RMDN2: variants seen among roughly 807,000 people sequenced by gnomAD.
RMDN2 encodes regulator of microtubule dynamics 2.
Under a neutral mutation model 52.8 loss-of-function variants are expected in RMDN2, and 61 were observed. That is an observed-to-expected ratio of 1.16 (90% confidence interval 0.94 to 1.43). The LOEUF is 1.43. RMDN2 is among the 40% of genes most tolerant of loss of function. The pLI is 0.00. For synonymous variants in RMDN2, 180 were observed against 153.1 expected, an observed-to-expected ratio of 1.18 and a Z score of -1.30; for missense variants, 592 against 475.3, an observed-to-expected ratio of 1.25 and a Z score of -2.28.
chr2:38,055,171 C>T (rs1297165953), intron 10 of RMDN2, among the ~76,000 whole-genome samples: 2 of 151,924 alleles, frequency 1.3e-5, no homozygotes, highest in Non-Finnish European at 2.9e-5. Context: ...ATTTCATAGC[C>T]GTCCCCGCTT....
At chr2:37,994,342 A>C (rs949901509) in intron 7 of RMDN2, among the ~76,000 whole-genome samples, 3 of 152,232 alleles carry the variant, frequency 2.0e-5, no homozygotes, top group African/African-American at 7.2e-5. Context: ...TGTTACGGCC[A>C]TGTAACAGGA....
chr2:37,928,653 G>A (rs187995645), intron 1 of RMDN2: 17 of 152,288 alleles, frequency 1.1e-4, no homozygotes, highest in Admixed American at 9.2e-4. Context: ...TTATGACTAT[G>A]AATGAATGGT....
At chr2:38,061,552 C>T (rs1682050658) in intron 10 of RMDN2, among the ~76,000 whole-genome samples, 1 of 151,572 alleles carries the variant, frequency 6.6e-6, no homozygotes, top group Non-Finnish European at 1.5e-5. Context: ...GAAGCTTGTC[C>T]TTAATGCCCA....
At chr2:37,968,460 A>AAAT in intron 2 of RMDN2, among the ~76,000 whole-genome samples, 1 of 140,290 alleles carries the variant, frequency 7.1e-6, no homozygotes. Flanking sequence ...AAAAAAAAAA[A>AAAT]AGAAAGTCTG....
intron 2 of RMDN2, among the ~76,000 whole-genome samples, chr2:37,972,411 A>G (rs183224110): frequency 1.3e-4 from 20 of 152,302 alleles, no homozygotes; most frequent in African/African-American, 4.6e-4. Flanking sequence ...CATGACTGAT[A>G]TGTTCAAGGA....
chr2:37,983,364 A>G (rs984949116), intron 5 of RMDN2, among the ~76,000 whole-genome samples: 2 of 152,140 alleles, frequency 1.3e-5, no homozygotes, highest in African/African-American at 4.8e-5. Context: ...TCTTCCACTA[A>G]TCTGGTTACA....
intron 7 of RMDN2, 96 bp downstream of exon 7, chr2:37,991,393 C>T (rs1674772049): frequency 8.2e-6 from 4 of 486,610 alleles, no homozygotes; most frequent in African/African-American, 2.0e-5. Flanking sequence ...TACCCAGTGC[C>T]TACTTTAGGG....
intron 1 of RMDN2, 54 bp from the exon 2 acceptor site, chr2:37,929,208 G>A (rs1015372124): frequency 1.1e-5 from 12 of 1,070,838 alleles, no homozygotes; most frequent in Middle Eastern, 2.1e-4. Context: ...CTATATTTTT[G>A]TCTTGGACAA....
At chr2:37,987,075 A>C (rs1054147085) in intron 5 of RMDN2, among the ~76,000 whole-genome samples, 2 of 152,110 alleles carry the variant, frequency 1.3e-5, no homozygotes, top group African/African-American at 4.8e-5. Flanking sequence ...CTTTGTAAAA[A>C]ATCTAAAAAA....
At chr2:37,945,807 A>G (rs1047110197) in intron 2 of RMDN2, among the ~76,000 whole-genome samples, 3 of 152,156 alleles carry the variant, frequency 2.0e-5, no homozygotes, top group South Asian at 2.1e-4. Context: ...GGTCAGGGAC[A>G]GAGTCTATAC....
At chr2:37,969,368 G>A (rs1308950929) in intron 2 of RMDN2, among the ~76,000 whole-genome samples, 1 of 151,408 alleles carries the variant, frequency 6.6e-6, no homozygotes, top group Non-Finnish European at 1.5e-5. Flanking sequence ...ATTTACTTAG[G>A]TATTCTTTAA....
chr2:38,004,040 C>G lies in RMDN2; in HGVS notation c.1094C>G (p.Ala365Gly). The change falls in exon 9 of 11, where the codon GCA becomes GGA. Residue 365 changes from alanine (A) to glycine (G), a missense_variant. Physicochemically the swap from Ala to Gly is moderately conservative, Grantham distance 60. Coordinates refer to ENST00000354545, the MANE Select transcript of RMDN2 (RefSeq NM_001170791.3). The part of the protein sequence containing the change: ...GYSNPNYMYL[A>G]KCYTDLEENQ... ...TCTAATCCCAATTACATGTACTTAG[C>G]AAAGGTAATGAAGACCACTGTTCTG... is the stretch of plus-strand genomic sequence containing the variant. 1.2e-6 allele frequency: 2 copies of G among 1,612,568 alleles called. No individual in the cohort carries two copies. The highest frequency in any genetic ancestry group is 1.1e-5 in the South Asian group (1 of 91,036).
intron 10 of RMDN2, chr2:38,030,172 C>A (rs1201779929): frequency 6.6e-6 from 1 of 152,212 alleles, no homozygotes; most frequent in South Asian, 2.1e-4. Flanking sequence ...CAGCGCCAGC[C>A]TTAGACCAAA....
intron 2 of RMDN2, among the ~76,000 whole-genome samples, chr2:37,970,282 A>G (rs534206726): frequency 1.3e-5 from 2 of 151,996 alleles, no homozygotes; most frequent in African/African-American, 2.4e-5. Flanking sequence ...AATTTATTGG[A>G]AAAAAAAATT....
At chr2:37,964,121 G>A (rs997425505) in intron 2 of RMDN2, among the ~76,000 whole-genome samples, 4 of 151,144 alleles carry the variant, frequency 2.6e-5, no homozygotes, top group African/African-American at 9.7e-5. Context: ...AGATGGAGGG[G>A]CTCCTCACTT....
chr2:37,947,363 T>C (rs184863263), intron 2 of RMDN2, among the ~76,000 whole-genome samples: 4 of 152,306 alleles, frequency 2.6e-5, no homozygotes, highest in East Asian at 3.9e-4. Context: ...CAAAATAATA[T>C]ATGGATGAGA....
intron 7 of RMDN2, among the ~76,000 whole-genome samples, chr2:37,995,119 A>G (rs986222504): frequency 2.0e-5 from 3 of 152,192 alleles, no homozygotes; most frequent in African/African-American, 7.2e-5. Context: ...TACACTTGTA[A>G]TGGAGGAAAT....
intron 10 of RMDN2, among the ~76,000 whole-genome samples, chr2:38,042,558 T>C (rs1319642283): frequency 6.6e-6 from 1 of 152,106 alleles, no homozygotes; most frequent in African/African-American, 2.4e-5. Flanking sequence ...CTTATATTGT[T>C]TTTCTTTCTC....
At chr2:37,999,285 G>C (rs7590086) in intron 8 of RMDN2, among the ~76,000 whole-genome samples, 1 of 152,144 alleles carries the variant, frequency 6.6e-6, no homozygotes, top group East Asian at 1.9e-4. Context: ...CTCTCTCTCA[G>C]TTTCATCAAT....
Sources: gnomAD v4.1 joint callset for allele counts (sites outside exome capture counted in the v4.1 genomes callset) on GRCh38, gnomAD v4.1.1 for gene constraint, MANE v1.5 for transcripts, NCBI Gene and HGNC (gene_info 2026-07-23, HGNC 2026-07-21) for gene names.